ROBO2: variants seen among roughly 807,000 people sequenced by gnomAD.
ROBO2 encodes roundabout homolog 2.
Under a neutral mutation model 160.8 loss-of-function variants are expected in ROBO2, and 53 were observed. That is an observed-to-expected ratio of 0.33 (90% CI 0.26 to 0.41). ROBO2 has a LOEUF of 0.41. Among genes scored for constraint, ROBO2 ranks in the 10% least tolerant of loss-of-function variants. The pLI is 1.00. For synonymous variants in ROBO2, 664 were observed against 611.7 expected (o/e 1.09, Z -1.26); for missense variants, 1,577 against 1,722.4 (o/e 0.92, Z 1.49).
intron 2 of ROBO2, among the ~76,000 whole-genome samples, chr3:77,315,748 A>T (rs2063925557): frequency 6.6e-6 from 1 of 152,214 alleles, no homozygotes; most frequent in Admixed American, 6.5e-5. Flanking sequence ...TTTTAGAATA[A>T]TAAGAGTGAC....
At chr3:76,597,013 T>C (rs1361129868) in intron 2 of ROBO2, among the ~76,000 whole-genome samples, 1 of 152,132 alleles carries the variant, frequency 6.6e-6, no homozygotes, top group African/African-American at 2.4e-5. Flanking sequence ...CATCAAATCA[T>C]CTTAGCCCGA....
intron 2 of ROBO2, among the ~76,000 whole-genome samples, chr3:77,222,407 A>G (rs2085943433): frequency 6.6e-6 from 1 of 152,210 alleles, no homozygotes; most frequent in South Asian, 2.1e-4. Flanking sequence ...GAATTTGAAT[A>G]TCGCAGAGGA....
intron 5 of ROBO2, among the ~76,000 whole-genome samples, chr3:77,496,417 T>C (rs2086786986): frequency 6.6e-6 from 1 of 152,172 alleles, no homozygotes; most frequent in Non-Finnish European, 1.5e-5. Context: ...GCCTCACTTA[T>C]GCATAATGAG....
At chr3:77,224,986 G>T (rs1214937055) in intron 2 of ROBO2, among the ~76,000 whole-genome samples, 2 of 151,752 alleles carry the variant, frequency 1.3e-5, no homozygotes, top group African/African-American at 4.8e-5. Context: ...ATCATTATAT[G>T]ATTTTTTTAC....
At chr3:76,232,553 A>C (rs1324182200) in intron 2 of ROBO2, among the ~76,000 whole-genome samples, 3 of 152,228 alleles carry the variant, frequency 2.0e-5, no homozygotes, top group Non-Finnish European at 4.4e-5. Context: ...GCAACAGTAC[A>C]TCGATTGCAA....
intron 6 of ROBO2, among the ~76,000 whole-genome samples, chr3:77,529,880 G>A (rs2091508068): frequency 6.6e-6 from 1 of 151,874 alleles, no homozygotes; most frequent in African/African-American, 2.4e-5. Context: ...TGTTGGATAT[G>A]TTTTAATTGG....
At chr3:76,918,223 G>A (rs780516488) in intron 2 of ROBO2, among the ~76,000 whole-genome samples, 1 of 152,164 alleles carries the variant, frequency 6.6e-6, no homozygotes, top group African/African-American at 2.4e-5. Context: ...ATTGGATCAC[G>A]GAGGTGGTTT....
chr3:75,942,171 GTGATCT>G (rs1948089107), intron 2 of ROBO2, among the ~76,000 whole-genome samples: 1 of 152,130 alleles, frequency 6.6e-6, no homozygotes, highest in East Asian at 1.9e-4. Flanking sequence ...CTCAGATCAT[GTGATCT>G]ATGAGTTTTA....
intron 2 of ROBO2, among the ~76,000 whole-genome samples, chr3:76,971,450 G>A (rs1443964077): frequency 6.6e-6 from 1 of 152,044 alleles, no homozygotes; most frequent in African/African-American, 2.4e-5. Context: ...TTTGTGTATA[G>A]ATGGATTAAC....
At chr3:76,037,290 C>G (rs1010610359) in intron 2 of ROBO2, among the ~76,000 whole-genome samples, 6 of 145,638 alleles carry the variant, frequency 4.1e-5, no homozygotes, top group Non-Finnish European at 7.4e-5. Context: ...CAGAGTATCA[C>G]TCTGTTTCCC....
chr3:77,453,309 A>G (rs1187102030), intron 2 of ROBO2, among the ~76,000 whole-genome samples: 1 of 152,020 alleles, frequency 6.6e-6, no homozygotes, highest in East Asian at 1.9e-4. Flanking sequence ...AGAGTTAAAG[A>G]GAACATGGTA....
intron 2 of ROBO2, among the ~76,000 whole-genome samples, chr3:76,772,671 A>G (rs938175588): frequency 2.2e-4 from 33 of 151,156 alleles, no homozygotes; most frequent in African/African-American, 8.0e-4. Context: ...TGGCCACTGC[A>G]CTACAATTTA....
chr3:76,483,617 G>A (rs1381074221), intron 2 of ROBO2, among the ~76,000 whole-genome samples: 2 of 152,108 alleles, frequency 1.3e-5, no homozygotes, highest in African/African-American at 4.8e-5. Flanking sequence ...TTCAGGAAAA[G>A]AACGCTTGTG....
intron 2 of ROBO2, among the ~76,000 whole-genome samples, chr3:77,290,911 C>T (rs1255224507): frequency 9.8e-6 from 1 of 102,180 alleles, no homozygotes; most frequent in African/African-American, 3.3e-5. Context: ...CTAGATCACC[C>T]CAGACATAAA....
intron 2 of ROBO2, among the ~76,000 whole-genome samples, chr3:76,127,668 ATT>A (rs1184685425): frequency 1.3e-5 from 2 of 152,032 alleles, no homozygotes; most frequent in Admixed American, 6.6e-5. Flanking sequence ...CAATCTGTGA[ATT>A]ATCTCATTTA....
chr3:77,165,506 T>G (rs1422045858), intron 2 of ROBO2, among the ~76,000 whole-genome samples: 1 of 148,700 alleles, frequency 6.7e-6, no homozygotes, highest in East Asian at 2.0e-4. Context: ...TCCACTATTG[T>G]CCCATGACCC....
chr3:76,459,719 A>G (rs1206007028), intron 2 of ROBO2, among the ~76,000 whole-genome samples: 2 of 152,194 alleles, frequency 1.3e-5, no homozygotes, highest in African/African-American at 4.8e-5. Context: ...TAAATTGCCA[A>G]CATTATTGGA....
intron 2 of ROBO2, among the ~76,000 whole-genome samples, chr3:76,615,937 C>A (rs1387044149): frequency 2.0e-5 from 3 of 152,088 alleles, no homozygotes; most frequent in African/African-American, 7.2e-5. Context: ...CCAGCAAGTG[C>A]CAGAGTTGAG....
At chr3:75,948,797 C>T (rs112928071) in intron 2 of ROBO2, among the ~76,000 whole-genome samples, 987 of 123,544 alleles carry the variant, frequency 8.0e-3, no homozygotes, top group Middle Eastern at 0.018. Flanking sequence ...TTTGAATATC[C>T]CATTTTCATT....
Sources: allele counts gnomAD v4.1 joint callset (sites outside exome capture counted in the v4.1 genomes callset), GRCh38; gene constraint gnomAD v4.1.1; transcripts MANE v1.5; gene names NCBI Gene and HGNC (gene_info 2026-07-23, HGNC 2026-07-21).